Variants in KHDRBS2 observed in about 807,000 individuals in gnomAD.
KHDRBS2 encodes KH domain-containing, RNA-binding, signal transduction-associated protein 2.
KHDRBS2 carries 26 observed loss-of-function variants against 44.3 expected under a neutral mutation model. That is an observed-to-expected ratio of 0.59 (90% CI 0.43 to 0.81). KHDRBS2 has a LOEUF of 0.81. KHDRBS2 is among the 40% of genes least tolerant of loss of function. The pLI is 0.00. For missense variants in KHDRBS2, 476 were observed against 433.1 expected, an observed-to-expected ratio of 1.10 and a Z score of -0.88; for synonymous variants, 194 against 151.1, an observed-to-expected ratio of 1.28 and a Z score of -2.08.
chr6:62,013,347 A>G (rs1780644008), intron 3 of KHDRBS2, among the ~76,000 whole-genome samples: 2 of 152,122 alleles, frequency 1.3e-5, no homozygotes, highest in South Asian at 4.1e-4. Context: ...ATAATAAATG[A>G]TAAGGTACTT....
At chr6:62,090,114 G>A (rs1799217463) in intron 2 of KHDRBS2, among the ~76,000 whole-genome samples, 1 of 152,114 alleles carries the variant, frequency 6.6e-6, no homozygotes, top group South Asian at 2.1e-4. Context: ...AGAAATGACA[G>A]TAGAACAAAG....
chr6:62,151,391 G>C (rs758256510), intron 2 of KHDRBS2, among the ~76,000 whole-genome samples: 1 of 152,028 alleles, frequency 6.6e-6, no homozygotes, highest in Non-Finnish European at 1.5e-5. Flanking sequence ...CTTTCTGTCT[G>C]GGAATATTCC....
At chr6:62,075,208 G>T (rs1450732933) in intron 2 of KHDRBS2, among the ~76,000 whole-genome samples, 1 of 151,876 alleles carries the variant, frequency 6.6e-6, no homozygotes, top group Non-Finnish European at 1.5e-5. Flanking sequence ...CCTTTGGGAG[G>T]TGATCAGGTC....
the KHDRBS2 span, among the ~76,000 whole-genome samples, chr6:61,605,350 C>G: frequency 1.2e-4 from 18 of 152,144 alleles, no homozygotes; most frequent in Non-Finnish European, 1.9e-4. Context: ...TTCTCCAAGC[C>G]ATAGCTTAGT....
chr6:62,116,025 A>AT (rs1389206106), intron 2 of KHDRBS2, among the ~76,000 whole-genome samples: 1 of 152,110 alleles, frequency 6.6e-6, no homozygotes, highest in Non-Finnish European at 1.5e-5. Context: ...AATTATGTTT[A>AT]TAGGTAAATT....
intron 2 of KHDRBS2, among the ~76,000 whole-genome samples, chr6:62,142,513 T>G (rs1813056949): frequency 6.6e-6 from 1 of 152,062 alleles, no homozygotes; most frequent in African/African-American, 2.4e-5. Context: ...TGGGTTTACT[T>G]TCCATCTAAA....
At chr6:61,665,577 A>T in the KHDRBS2 span, among the ~76,000 whole-genome samples, 1 of 151,374 alleles carries the variant, frequency 6.6e-6, no homozygotes, top group East Asian at 2.0e-4. Flanking sequence ...AAGGTTGGTA[A>T]GTATATGATA....
At chr6:61,625,400 A>C in the KHDRBS2 span, among the ~76,000 whole-genome samples, 440 of 149,834 alleles carry the variant, frequency 2.9e-3, 4 homozygotes, top group African/African-American at 0.01. Flanking sequence ...GTGGCCATGG[A>C]AGTGTACCAC....
chr6:61,628,824 C>T, the KHDRBS2 span, among the ~76,000 whole-genome samples: 1 of 152,126 alleles, frequency 6.6e-6, no homozygotes. Context: ...TCTATTATTG[C>T]AGGTTATTTT....
intron 1 of KHDRBS2, among the ~76,000 whole-genome samples, chr6:62,227,322 T>G (rs1172265718): frequency 1.3e-5 from 2 of 152,162 alleles, no homozygotes; most frequent in Non-Finnish European, 2.9e-5. Context: ...GGCTCTCTGC[T>G]TATCTTCTGT....
intron 3 of KHDRBS2, among the ~76,000 whole-genome samples, chr6:62,028,846 T>C (rs1783839797): frequency 6.6e-6 from 1 of 152,082 alleles, no homozygotes. Flanking sequence ...TGTCGACACA[T>C]GTGAGAATTC....
At chr6:61,585,524 G>C in the KHDRBS2 span, among the ~76,000 whole-genome samples, 7 of 151,966 alleles carry the variant, frequency 4.6e-5, no homozygotes, top group Non-Finnish European at 8.8e-5. Context: ...TAAGATAAGA[G>C]GCTTAGAAAA....
Position 62,103,236 on chromosome 6 carries a change from C to T in KHDRBS2, c.220-55242G>A, listed in dbSNP as rs866572184. On this transcript the variant is annotated intron_variant, in intron 2 of 8. Transcript: ENST00000281156. Reference sequence around the variant, plus strand: ...GATGGGGTTTCACCAAGGACCTGTCCCCTCCCACCTAGAAACCTGTCTGCC... The same window carrying T: ...GATGGGGTTTCACCAAGGACCTGTCTCCTCCCACCTAGAAACCTGTCTGCC... Among the ~76,000 whole-genome samples, 3 of 152,192 alleles carry T rather than the reference C, an allele frequency of 2.0e-5. No individual in the cohort carries two copies. In the Middle Eastern group the frequency reaches 0.01, roughly 518 times the overall value.
chr6:62,070,617 G>A (rs565529962), intron 2 of KHDRBS2, among the ~76,000 whole-genome samples: 1 of 152,014 alleles, frequency 6.6e-6, no homozygotes, highest in African/African-American at 2.4e-5. Flanking sequence ...GCGACAGTTT[G>A]CTGAGAATGA....
At chr6:62,156,011 T>C (rs1358406402) in intron 2 of KHDRBS2, among the ~76,000 whole-genome samples, 1 of 152,214 alleles carries the variant, frequency 6.6e-6, no homozygotes, top group African/African-American at 2.4e-5. Flanking sequence ...TGTCTAGTTA[T>C]ACAATACATT....
At chr6:61,982,162 T>A (rs1773973059) in intron 3 of KHDRBS2, among the ~76,000 whole-genome samples, 1 of 152,114 alleles carries the variant, frequency 6.6e-6, no homozygotes. Flanking sequence ...CAAATTCTTG[T>A]GAATTATGTA....
At chr6:62,016,346 G>A (rs962878121) in intron 3 of KHDRBS2, among the ~76,000 whole-genome samples, 15 of 151,728 alleles carry the variant, frequency 9.9e-5, no homozygotes, top group Admixed American at 1.3e-4. Context: ...CATACTAGCA[G>A]AAATACAAGA....
chr6:62,150,407 G>A (rs1814894230), intron 2 of KHDRBS2, among the ~76,000 whole-genome samples: 1 of 152,046 alleles, frequency 6.6e-6, no homozygotes, highest in Non-Finnish European at 1.5e-5. Context: ...ATTAAAAAAT[G>A]CTAAGTAGGT....
chr6:61,699,958 T>C (rs537370968), intron 7 of KHDRBS2, among the ~76,000 whole-genome samples: 1 of 152,104 alleles, frequency 6.6e-6, no homozygotes, highest in East Asian at 1.9e-4. Flanking sequence ...TCTGGATGTG[T>C]ATCTCTTCTT....
Sources: gnomAD v4.1 joint callset for allele counts (sites outside exome capture counted in the v4.1 genomes callset) on GRCh38, gnomAD v4.1.1 for gene constraint, MANE v1.5 for transcripts, NCBI Gene and HGNC (gene_info 2026-07-23, HGNC 2026-07-21) for gene names.